Variants in SKI observed in about 807,000 individuals in gnomAD.
SKI encodes the protein ski oncogene.
SKI carries 23 observed loss-of-function variants against 59.3 expected under a neutral mutation model. That is an observed-to-expected ratio of 0.39 (90% CI 0.28 to 0.55). The LOEUF (loss-of-function observed/expected upper bound fraction) is 0.55, where lower values mean the gene tolerates loss of function less well. Among genes scored for constraint, SKI ranks in the 20% least tolerant of loss-of-function variants. The pLI is 0.67. For synonymous variants in SKI, 673 were observed against 488.6 expected, an observed-to-expected ratio of 1.38 and a Z score of -4.98; for missense variants, 1,017 against 1,038.9, an observed-to-expected ratio of 0.98 and a Z score of 0.29.
chr1:2,260,286 C>T (rs1035459184), intron 1 of SKI, among the ~76,000 whole-genome samples: 34 of 152,150 alleles, frequency 2.2e-4, no homozygotes, highest in African/African-American at 8.0e-4. Context: ...TTCTCTTGTG[C>T]GTATTTGCCA....
intron 1 of SKI, among the ~76,000 whole-genome samples, chr1:2,266,795 C>A (rs548161999): frequency 6.6e-6 from 1 of 152,164 alleles, no homozygotes; most frequent in African/African-American, 2.4e-5. Flanking sequence ...GTCACAGCGG[C>A]CGGATATCTG....
At chr1:2,280,489 C>T (rs906915828) in intron 1 of SKI, among the ~76,000 whole-genome samples, 20 of 152,146 alleles carry the variant, frequency 1.3e-4, no homozygotes, top group South Asian at 4.1e-4. Context: ...TAAAATACCC[C>T]GGAATGGTCT....
At position 2,306,266 on chromosome 1, in the gene SKI, G is replaced by C. The variant is rs1450336411; in HGVS notation, c.1998+16G>C. 6.5e-7 allele frequency: 1 copy of C among 1,540,868 alleles called. No individual in the cohort carries two copies. Among genetic ancestry groups the C allele is most frequent in the East Asian group, 2.4e-5 (1 of 40,862 alleles). On this transcript the variant is annotated intron_variant, in intron 6 of 6. Coordinates refer to ENST00000378536, the MANE Select transcript of SKI (RefSeq NM_003036.4). ...CTCGGCCCAGGTATGCGGGTGGGGA[G>C]ACTGAGGCACGCAGCACGGTGGGCG...
chr1:2,304,387 G>T lies in SKI; in HGVS notation c.1569G>T (p.Ser523=). Residue 523 remains serine, a synonymous_variant, in exon 5 of 7, where the codon TCG becomes TCT. Coordinates refer to ENST00000378536, the MANE Select transcript of SKI (RefSeq NM_003036.4). ...CCCCGGGTGCGCGTGCCCTGCCCTC[G>T]GCCGTCCCTGATGCTGCGGCCCCTG... ...LGSPGARALP[S]AVPDAAAPAD... 2 of 1,552,028 alleles carry T rather than the reference G, an allele frequency of 1.3e-6. No individual in the cohort carries two copies. The highest frequency in any genetic ancestry group is 1.7e-6 in the Non-Finnish European group (2 of 1,147,606).
intron 1 of SKI, 104 bp from the exon 2 acceptor site, chr1:2,302,874 C>A: frequency 6.7e-7 from 1 of 1,483,052 alleles, no homozygotes. Context: ...TCGTTTGTGG[C>A]CGGAGTGCAT....
rs1306616273 is a variant in SKI at position 2,306,243 on chromosome 1, C to A, written c.1991C>A (p.Ser664Ter). 6.4e-7 allele frequency: 1 copy of A among 1,553,868 alleles called. No homozygotes were observed. Reference sequence around the variant, plus strand: ...GCGGGCCGCCTGCGCGCCAAGTACTCGGCCCAGGTATGCGGGTGGGGAGAC... The same window carrying A: ...GCGGGCCGCCTGCGCGCCAAGTACTAGGCCCAGGTATGCGGGTGGGGAGAC... ...CEAGRLRAKY[S>*]AQIEDLQVKL... is the part of the protein sequence containing the mutation. The change falls in exon 6 of 7, where the codon TCG becomes TAG. Residue 664 changes from serine to a stop codon, truncating the protein, a stop_gained. Transcript: ENST00000378536. LOFTEE classifies it high-confidence loss of function.
At position 2,306,681 on chromosome 1, in the gene SKI, G is replaced by A. The variant is rs1478129018; in HGVS notation, c.2103G>A (p.Val701=). The A allele has an allele frequency of 7.1e-6, 11 of 1,544,654 alleles. No individual in the cohort carries two copies. Among genetic ancestry groups the A allele is most frequent in the Non-Finnish European group, 9.6e-6 (11 of 1,145,158 alleles). The change falls in exon 7 of 7, where the codon GTG becomes GTA. Residue 701 remains valine (V), a synonymous_variant. Coordinates refer to ENST00000378536, the MANE Select transcript of SKI (RefSeq NM_003036.4). ...EREAREHLEK[V]VKELQEQLWP... ...AGGCCCGGGAGCACCTGGAGAAGGT[G>A]GTGAAGGAGCTGCAGGAACAGCTGT... is the stretch of plus-strand genomic sequence containing the variant.
intron 1 of SKI, among the ~76,000 whole-genome samples, chr1:2,248,907 C>T (rs1035002242): frequency 6.6e-6 from 1 of 152,224 alleles, no homozygotes; most frequent in Non-Finnish European, 1.5e-5. Flanking sequence ...TTCCCATTGG[C>T]CCCTCTCCTG....
chr1:2,306,910 A>C lies in SKI; in HGVS notation c.*145A>C. 1.8e-6 allele frequency: 1 copy of C among 555,780 alleles called. No homozygotes were observed. Among genetic ancestry groups the C allele is most frequent in the Non-Finnish European group, 2.6e-6 (1 of 380,122 alleles). 34.4% of individuals were successfully genotyped at this position (555,780 alleles called of 1,614,324 possible). A position where few individuals can be genotyped will look rare whatever the true frequency, so the allele number is the denominator to read the frequency against. On this transcript the variant is annotated 3_prime_UTR_variant, in exon 7 of 7. Transcript: ENST00000378536. ...TATTACCAAGCGAGTGTTTGTAACC[A>C]TGTAGTTTTGGAACCCACTGCAAAA...
chr1:2,289,125 G>T (rs1640107731), intron 1 of SKI, among the ~76,000 whole-genome samples: 1 of 152,192 alleles, frequency 6.6e-6, no homozygotes, highest in African/African-American at 2.4e-5. Flanking sequence ...TCAGGACCCA[G>T]CTGCCCCTCC....
In SKI at chr1:2,308,950, T is replaced by C. The variant is rs1640671740; in HGVS notation, c.*2185T>C. 6.6e-6 allele frequency: 1 copy of C among 152,442 alleles called. No individual in the cohort carries two copies. Among genetic ancestry groups the C allele is most frequent in the Non-Finnish European group, 1.5e-5 (1 of 68,114 alleles). The allele number at this position is 152,442 out of a possible 1,614,324, so 9.4% of individuals were successfully genotyped here. On this transcript the variant is annotated 3_prime_UTR_variant, in exon 7 of 7. Coordinates refer to ENST00000378536, the MANE Select transcript of SKI (RefSeq NM_003036.4). ...TGGCAGCCCTTCCCCACTTCGGCTC[T>C]GGGAGGGTCCAGCCAGTGTCACCTG...
intron 1 of SKI, among the ~76,000 whole-genome samples, chr1:2,296,381 G>A (rs961447554): frequency 5.0e-4 from 76 of 152,262 alleles, no homozygotes; most frequent in African/African-American, 1.7e-3. Context: ...GGGTGACAGA[G>A]CAAGACTCCG....
chr1:2,282,399 G>A (rs1639908883), intron 1 of SKI, among the ~76,000 whole-genome samples: 1 of 54,366 alleles, frequency 1.8e-5, no homozygotes, highest in Admixed American at 1.6e-4. Context: ...AGGCGGTGGC[G>A]GAGATCTTCA....
In SKI at chr1:2,303,294, T is replaced by C. The variant is rs1424259768; in HGVS notation, c.1105T>C (p.Cys369Arg). The stretch of plus-strand genomic sequence containing the variant: ...AACTCTTTCTCGACAGAGCCTGGGC[T>C]GTGTTCACCCTCGCCAGCGCCTCTC... ...LAGSSNKSLG[C>R]VHPRQRLSAF... Residue 369 changes from cysteine (C) to arginine (R), a missense_variant, in exon 3 of 7, where the codon TGT becomes CGT. By Grantham distance (180) the Cys-to-Arg change is radical. Transcript: ENST00000378536. The surrounding 1 kb of genome is among the most constrained non-coding windows in gnomAD (Gnocchi z 5.6). 4 of 1,613,590 alleles carry C rather than the reference T, an allele frequency of 2.5e-6. No homozygotes were observed. The East Asian group carries it at 6.7e-5, about 27-fold the overall frequency.
Position 2,303,766 on chromosome 1 carries a change from G to T in SKI, c.1212-74G>T. On this transcript the variant is annotated intron_variant, in intron 3 of 6. Coordinates refer to ENST00000378536, the MANE Select transcript of SKI (RefSeq NM_003036.4). The surrounding 1 kb of genome is among the most constrained non-coding windows in gnomAD (Gnocchi z 5.6). The stretch of plus-strand genomic sequence containing the variant: ...CTTTCCTGTTTAACACCTTCAGAGG[G>T]GGTGTGCGCCAGGATGTGTCTGGGT... 3 of 1,562,190 alleles carry T rather than the reference G, an allele frequency of 1.9e-6. No homozygotes were observed. Among genetic ancestry groups the T allele is most frequent in the Non-Finnish European group, 1.7e-6 (2 of 1,145,732 alleles).
chr1:2,257,295 C>T (rs963558468), intron 1 of SKI, among the ~76,000 whole-genome samples: 2 of 152,242 alleles, frequency 1.3e-5, no homozygotes, highest in African/African-American at 4.8e-5. Context: ...CCCACATTGC[C>T]AATTCTTGAC....
rs953225143 is a variant in SKI, at chr1:2,269,119, A to AT, written c.970-33853dup. On this transcript the variant is annotated intron_variant, in intron 1 of 6. Transcript: ENST00000378536. The surrounding 1 kb of genome is among the most constrained non-coding windows in gnomAD (Gnocchi z 4.7). The stretch of plus-strand genomic sequence containing the variant: ...CCACTACATCTGGCTAACGTTTTAT[A>AT]TTTTTTGGGTAGAGATGGGGTCTCG... 4.6e-5 allele frequency among the ~76,000 whole-genome samples: 7 copies of AT among 151,952 alleles called. No homozygotes were observed. The highest frequency in any genetic ancestry group is 1.5e-4 in the African/African-American group (6 of 41,360).
At chr1:2,250,837 C>G (rs1160867952) in intron 1 of SKI, among the ~76,000 whole-genome samples, 1 of 152,276 alleles carries the variant, frequency 6.6e-6, no homozygotes, top group Admixed American at 6.5e-5. Context: ...CCCTAGGCAG[C>G]TGGCTGCGCG....
At chr1:2,280,408 T>C (rs1639847903) in intron 1 of SKI, among the ~76,000 whole-genome samples, 1 of 151,098 alleles carries the variant, frequency 6.6e-6, no homozygotes, top group Non-Finnish European at 1.5e-5. Context: ...CAGCCCCTTC[T>C]CACAAGGGGG....
Sources: allele counts gnomAD v4.1 joint callset (sites outside exome capture counted in the v4.1 genomes callset), GRCh38; gene constraint gnomAD v4.1.1; non-coding constraint Gnocchi (gnomAD v3.1); transcripts MANE v1.5; gene names NCBI Gene and HGNC (gene_info 2026-07-23, HGNC 2026-07-21).